Variants in SYNPR observed in about 807,000 individuals in gnomAD.
SYNPR encodes the protein synaptoporin.
A neutral mutation model predicts 32.9 loss-of-function variants in SYNPR; 23 were observed. The observed-to-expected ratio is 0.70, with a 90% CI of 0.50 to 0.99. SYNPR has a LOEUF of 0.99. SYNPR is among the 50% of genes least tolerant of loss of function. The pLI, the probability that SYNPR is intolerant of heterozygous loss-of-function variation, is 0.00. For missense variants in SYNPR, 318 were observed against 349.3 expected (o/e 0.91, Z 0.71); for synonymous variants, 146 against 135.9 (o/e 1.07, Z -0.52).
intron 4 of SYNPR, among the ~76,000 whole-genome samples, chr3:63,560,493 T>G (rs1702667712): frequency 6.6e-6 from 1 of 152,216 alleles, no homozygotes; most frequent in Non-Finnish European, 1.5e-5. Flanking sequence ...AAAGCATTTG[T>G]TCAAGTGTTC....
chr3:63,585,451 C>CG (rs1703166875), intron 4 of SYNPR, among the ~76,000 whole-genome samples: 1 of 107,754 alleles, frequency 9.3e-6, no homozygotes, highest in South Asian at 3.2e-4. Context: ...ATATCCATGC[C>CG]CCCCCCCTCC....
At chr3:63,578,495 G>A (rs1056711570) in intron 4 of SYNPR, among the ~76,000 whole-genome samples, 4 of 152,114 alleles carry the variant, frequency 2.6e-5, no homozygotes, top group Non-Finnish European at 5.9e-5. Context: ...TCTCGTGAGG[G>A]ATAAGAACAG....
chr3:63,278,432 T>C lies in SYNPR; in HGVS notation c.-102T>C, dbSNP rs1337109085. 3 of 1,429,452 alleles carry C rather than the reference T, an allele frequency of 2.1e-6. No homozygotes were observed. Among genetic ancestry groups the C allele is most frequent in the African/African-American group, 2.9e-5 (2 of 69,436 alleles). The allele number at this position is 1,429,452 out of a possible 1,614,324, so 88.5% of individuals were successfully genotyped here. ...GGGCTGCTCCAGGGTGTCGCTCCTC[T>C]GGCTGCTCCCGAAGGGGCTTCTGGC... On this transcript the variant is annotated 5_prime_UTR_variant, in exon 1 of 6. Transcript: ENST00000478300.
chr3:63,227,828 C>T (rs2086140455), upstream of SYNPR, among the ~76,000 whole-genome samples: 1 of 152,184 alleles, frequency 6.6e-6, no homozygotes. Flanking sequence ...AAATAGGTCA[C>T]ATGGCTACTT....
At chr3:63,519,934 G>A (rs2106770220) in intron 3 of SYNPR, among the ~76,000 whole-genome samples, 1 of 152,226 alleles carries the variant, frequency 6.6e-6, no homozygotes, top group South Asian at 2.1e-4. Context: ...CTAACATATT[G>A]TTTTAGACAA....
intron 2 of SYNPR, among the ~76,000 whole-genome samples, chr3:63,393,408 T>C (rs1010515873): frequency 6.6e-6 from 1 of 152,110 alleles, no homozygotes; most frequent in African/African-American, 2.4e-5. Context: ...AGTGTTGGAC[T>C]GTTGGAGAAT....
chr3:63,406,791 G>A (rs912551187), intron 2 of SYNPR, among the ~76,000 whole-genome samples: 9 of 152,124 alleles, frequency 5.9e-5, no homozygotes, highest in Non-Finnish European at 1.2e-4. Flanking sequence ...TTGATGGCAG[G>A]AATGAGTTCT....
intron 2 of SYNPR, among the ~76,000 whole-genome samples, chr3:63,348,016 A>T (rs2087459821): frequency 6.6e-6 from 1 of 152,112 alleles, no homozygotes; most frequent in Non-Finnish European, 1.5e-5. Context: ...TACATGATAC[A>T]GGTATCTGAG....
At chr3:63,506,174 CT>C (rs1228518660) in intron 3 of SYNPR, among the ~76,000 whole-genome samples, 1 of 151,632 alleles carries the variant, frequency 6.6e-6, no homozygotes, top group Non-Finnish European at 1.5e-5. Flanking sequence ...TCTTTCCTTT[CT>C]TTCCTTCTCC....
At chr3:63,408,377 AAAG>A (rs2088417045) in intron 2 of SYNPR, among the ~76,000 whole-genome samples, 4 of 150,416 alleles carry the variant, frequency 2.7e-5, no homozygotes, top group African/African-American at 9.8e-5. Context: ...AGAAAGAAAG[AAAG>A]AAAAGGAAGG....
chr3:63,287,807 G>T (rs2086699964), intron 2 of SYNPR, among the ~76,000 whole-genome samples: 1 of 152,174 alleles, frequency 6.6e-6, no homozygotes, highest in Admixed American at 6.5e-5. Flanking sequence ...TTATGGAGGA[G>T]AGTAAGTCAC....
intron 3 of SYNPR, among the ~76,000 whole-genome samples, chr3:63,527,652 G>A (rs981876406): frequency 2.6e-5 from 4 of 152,142 alleles, no homozygotes; most frequent in African/African-American, 4.8e-5. Flanking sequence ...TATTTCAAGA[G>A]AGAAAACTAT....
At chr3:63,365,842 T>C (rs1000187608) in intron 2 of SYNPR, among the ~76,000 whole-genome samples, 2 of 152,192 alleles carry the variant, frequency 1.3e-5, no homozygotes, top group East Asian at 1.9e-4. Flanking sequence ...AAAAGCAATG[T>C]GAACATGTTG....
intron 2 of SYNPR, among the ~76,000 whole-genome samples, chr3:63,463,121 T>G (rs781267827): frequency 2.0e-5 from 3 of 152,280 alleles, no homozygotes; most frequent in Non-Finnish European, 4.4e-5. Context: ...TGTGTGCCAG[T>G]GGGTTTCTCA....
intron 4 of SYNPR, among the ~76,000 whole-genome samples, chr3:63,572,108 TC>T (rs1464412863): frequency 6.6e-6 from 1 of 152,162 alleles, no homozygotes; most frequent in African/African-American, 2.4e-5. Flanking sequence ...CAACCATACA[TC>T]TGTGTGAGTG....
At chr3:63,606,413 C>T (rs6773091) in intron 4 of SYNPR, among the ~76,000 whole-genome samples, 8,194 of 63,466 alleles carry the variant, frequency 0.13, 865 homozygotes, top group African/African-American at 0.37. Flanking sequence ...ACCTCAAATC[C>T]TTTCTTTTTT....
chr3:63,573,111 A>C (rs897413089), intron 4 of SYNPR, among the ~76,000 whole-genome samples: 2 of 152,210 alleles, frequency 1.3e-5, no homozygotes, highest in Non-Finnish European at 1.5e-5. Flanking sequence ...ATATCTTATT[A>C]ATTGCAGCTT....
rs1321714866 is a variant in SYNPR, at chr3:63,613,388, T to C, written c.601-1836T>C. Among the ~76,000 whole-genome samples, 14 of 151,988 alleles carry C rather than the reference T, an allele frequency of 9.2e-5. No individual in the cohort carries two copies. The East Asian group carries it at 2.7e-3, about 29-fold the overall frequency. On this transcript the variant is annotated intron_variant, in intron 5 of 5. Coordinates refer to ENST00000478300, the MANE Select transcript of SYNPR (RefSeq NM_001130003.2). ...GCAACTATTATACCTTATTTACGTT[T>C]TGTATCTCCCTCAGCAGGTAGCCTA...
chr3:63,468,810 C>A (rs909001514), intron 2 of SYNPR, among the ~76,000 whole-genome samples: 1 of 151,956 alleles, frequency 6.6e-6, no homozygotes, highest in African/African-American at 2.4e-5. Flanking sequence ...CAAAAACATA[C>A]AAACAAACAA....
Sources: allele counts gnomAD v4.1 joint callset (sites outside exome capture counted in the v4.1 genomes callset), GRCh38; gene constraint gnomAD v4.1.1; transcripts MANE v1.5; gene names NCBI Gene and HGNC (gene_info 2026-07-23, HGNC 2026-07-21).